The following IMMP2L variants were observed in gnomAD, a reference collection of about 807,000 sequenced individuals.
IMMP2L encodes inner mitochondrial membrane peptidase subunit 2.
A neutral mutation model predicts 19.3 loss-of-function variants in IMMP2L; 18 were observed. That is an observed-to-expected ratio of 0.93 (90% CI 0.64 to 1.38). The LOEUF (loss-of-function observed/expected upper bound fraction) is 1.38. Ranked by LOEUF, IMMP2L falls within the 40% of genes most tolerant of loss-of-function variation. IMMP2L has a pLI of 0.00. For synonymous variants in IMMP2L, 76 were observed against 73.0 expected (o/e 1.04, Z -0.21); for missense variants, 233 against 218.2 (o/e 1.07, Z -0.43).
chr7:111,102,034 G>A (rs1290462672), intron 3 of IMMP2L, among the ~76,000 whole-genome samples: 1 of 150,872 alleles, frequency 6.6e-6, no homozygotes, highest in Non-Finnish European at 1.5e-5. Flanking sequence ...TGCAGAAACT[G>A]CCGCCAATAT....
At chr7:110,933,186 A>G (rs1050043137) in intron 4 of IMMP2L, among the ~76,000 whole-genome samples, 2 of 152,158 alleles carry the variant, frequency 1.3e-5, no homozygotes, top group African/African-American at 2.4e-5. Flanking sequence ...CCTGGTGGAG[A>G]CATAGCTGGA....
In IMMP2L at chr7:110,663,482, G is replaced by C. The variant is rs112968535; in HGVS notation, c.*120C>G. 1.2e-6 allele frequency: 1 copy of C among 811,570 alleles called. No homozygotes were observed. The highest frequency in any genetic ancestry group is 2.0e-6 in the Non-Finnish European group (1 of 491,222). The allele number at this position is 811,570 out of a possible 1,614,324, so 50.3% of individuals were successfully genotyped here. A position where few individuals can be genotyped will look rare whatever the true frequency, so the allele number is the denominator to read the frequency against. ...ATAATACAGATCGTTTTAATGTGCT[G>C]TAAATATTTCTCGCACAGCATCATA... On this transcript the variant is annotated 3_prime_UTR_variant, in exon 6 of 6. Transcript: ENST00000405709.
chr7:111,362,967 A>G (rs1265066506), intron 3 of IMMP2L, among the ~76,000 whole-genome samples: 2 of 152,082 alleles, frequency 1.3e-5, no homozygotes, highest in Admixed American at 1.3e-4. Context: ...GAGGACTTAG[A>G]TTCCTTCAAA....
chr7:111,317,479 T>C (rs1247040288), intron 3 of IMMP2L, among the ~76,000 whole-genome samples: 2 of 152,128 alleles, frequency 1.3e-5, no homozygotes, highest in African/African-American at 2.4e-5. Flanking sequence ...TTGAGGTTTA[T>C]CAATCAGACT....
chr7:111,043,197 A>G (rs191243433), intron 3 of IMMP2L, among the ~76,000 whole-genome samples: 1 of 152,360 alleles, frequency 6.6e-6, no homozygotes, highest in African/African-American at 2.4e-5. Flanking sequence ...TTTTTAAAAT[A>G]TGAAAAGAAA....
chr7:110,872,930 G>A (rs1176835407), intron 5 of IMMP2L, among the ~76,000 whole-genome samples: 1 of 152,124 alleles, frequency 6.6e-6, no homozygotes, highest in Non-Finnish European at 1.5e-5. Context: ...TATCTGGTAG[G>A]GGTAAATGCC....
intron 3 of IMMP2L, among the ~76,000 whole-genome samples, chr7:111,085,163 G>A (rs1025387996): frequency 2.2e-5 from 3 of 137,340 alleles, no homozygotes; most frequent in Non-Finnish European, 4.7e-5. Flanking sequence ...ATTGATTCCT[G>A]ACATGTCATC....
chr7:111,479,440 C>G (rs907150528), intron 3 of IMMP2L, among the ~76,000 whole-genome samples: 1 of 152,074 alleles, frequency 6.6e-6, no homozygotes, highest in Non-Finnish European at 1.5e-5. Context: ...TGTGGCCTAT[C>G]TTTATGTATG....
At chr7:111,539,800 A>G (rs1848358317) in intron 1 of IMMP2L, among the ~76,000 whole-genome samples, 1 of 152,146 alleles carries the variant, frequency 6.6e-6, no homozygotes, top group African/African-American at 2.4e-5. Flanking sequence ...AATGTATTTC[A>G]TATTTCTTGG....
At chr7:111,050,286 C>CTTACAG (rs1429104208) in intron 3 of IMMP2L, among the ~76,000 whole-genome samples, 13 of 152,242 alleles carry the variant, frequency 8.5e-5, no homozygotes, top group African/African-American at 3.1e-4. Flanking sequence ...CCAAATTCAC[C>CTTACAG]ATATTTAAAT....
At chr7:111,219,956 G>T (rs1337592730) in intron 3 of IMMP2L, among the ~76,000 whole-genome samples, 1 of 151,980 alleles carries the variant, frequency 6.6e-6, no homozygotes, top group Non-Finnish European at 1.5e-5. Context: ...TAAGTAGCTA[G>T]TGGAAAAAGA....
At chr7:111,369,996 A>AT (rs781401263) in intron 3 of IMMP2L, among the ~76,000 whole-genome samples, 1 of 152,034 alleles carries the variant, frequency 6.6e-6, no homozygotes, top group Non-Finnish European at 1.5e-5. Context: ...TAAGGAAGCA[A>AT]TTAATTCTGT....
intron 5 of IMMP2L, among the ~76,000 whole-genome samples, chr7:110,693,899 TG>T (rs1793683963): frequency 6.6e-6 from 1 of 152,152 alleles, no homozygotes; most frequent in Non-Finnish European, 1.5e-5. Context: ...GTAGCAATAA[TG>T]CAAGGGAGGC....
intron 3 of IMMP2L, among the ~76,000 whole-genome samples, chr7:111,102,778 A>G (rs188829327): frequency 6.6e-6 from 1 of 151,642 alleles, no homozygotes; most frequent in African/African-American, 2.4e-5. Context: ...CAAATTTAAA[A>G]AGCTCCGAAA....
chr7:110,939,880 T>C (rs1272665282), intron 4 of IMMP2L, among the ~76,000 whole-genome samples: 1 of 152,176 alleles, frequency 6.6e-6, no homozygotes, highest in Non-Finnish European at 1.5e-5. Context: ...CCCAATGCTA[T>C]ATTTTGCTAA....
At position 111,123,477 on chromosome 7, in the gene IMMP2L, G is replaced by A; in HGVS notation, c.240-159912C>T. ...TACCAGATAACGCCTTGGTTGGACT[G>A]GAAAACTTAGAAAGCATCTCTTTTT... On this transcript the variant is annotated intron_variant, in intron 3 of 5. Transcript: ENST00000405709. The surrounding 1 kb of genome is among the most constrained non-coding windows in gnomAD (Gnocchi z 6.4). The A allele has an allele frequency of 6.2e-7, 1 of 1,613,774 alleles. No individual in the cohort carries two copies. Among genetic ancestry groups the A allele is most frequent in the Non-Finnish European group, 8.5e-7 (1 of 1,179,902 alleles).
intron 3 of IMMP2L, among the ~76,000 whole-genome samples, chr7:111,446,894 G>C (rs868295633): frequency 6.6e-6 from 1 of 150,554 alleles, no homozygotes; most frequent in Non-Finnish European, 1.5e-5. Context: ...CAAGGCTCGA[G>C]AACTACGTGA....
intron 3 of IMMP2L, chr7:111,124,172 A>G (rs756160395): frequency 6.2e-7 from 1 of 1,613,984 alleles, no homozygotes; most frequent in Admixed American, 1.7e-5. Flanking sequence ...CTCTTGCCTA[A>G]TACCCTGACA....
chr7:111,385,942 C>T (rs946569219), intron 3 of IMMP2L, among the ~76,000 whole-genome samples: 2 of 151,660 alleles, frequency 1.3e-5, no homozygotes, highest in Non-Finnish European at 2.9e-5. Context: ...TTAATAGAGG[C>T]AGGGTCTTAC....
Sources: gnomAD v4.1 joint callset for allele counts (sites outside exome capture counted in the v4.1 genomes callset) on GRCh38, gnomAD v4.1.1 for gene constraint, Gnocchi (gnomAD v3.1) non-coding constraint, MANE v1.5 for transcripts, NCBI Gene and HGNC (gene_info 2026-07-23, HGNC 2026-07-21) for gene names.